Variants in MYO18B observed in about 807,000 individuals in gnomAD.
MYO18B encodes the protein unconventional myosin-XVIIIb.
A neutral mutation model predicts 273.0 loss-of-function variants in MYO18B; 204 were observed. The ratio of observed to expected loss-of-function variants is 0.75; its 90% CI spans 0.67 to 0.84. MYO18B has a LOEUF of 0.84. Ranked by LOEUF, MYO18B falls within the 40% of genes least tolerant of loss-of-function variation. The probability of loss-of-function intolerance (pLI) is 0.00; values close to 1 mark genes in which losing one functional copy is unlikely to be tolerated. For synonymous variants in MYO18B, 1,330 were observed against 1,305.7 expected (o/e 1.02, Z -0.40); for missense variants, 3,212 against 3,287.6 (o/e 0.98, Z 0.56).
Position 26,026,507 on chromosome 22 carries a change from G to A in MYO18B, c.6533G>A (p.Arg2178Gln), listed in dbSNP as rs970501193. 1.2e-5 allele frequency: 20 copies of A among 1,613,648 alleles called. No homozygotes were observed. The highest frequency in any genetic ancestry group is 1.6e-4 in the Middle Eastern group (1 of 6,084). Residue 2178 changes from arginine (R) to glutamine (Q), a missense_variant, in exon 43 of 44, where the codon CGG (arginine) becomes CAG (glutamine). Transcript: ENST00000335473. Reference sequence around the variant, plus strand: ...TCGGCATTGGCACTGAGCAGAGCCCGGTCCACCAATGTCCACAGCAAGACC... The same window carrying A: ...TCGGCATTGGCACTGAGCAGAGCCCAGTCCACCAATGTCCACAGCAAGACC... ...TQSALALSRA[R>Q]STNVHSKTSG...
In MYO18B at chr22:25,947,487, TACACAC is replaced by T. The variant is rs57844236; in HGVS notation, c.5632-174_5632-169del. The stretch of plus-strand genomic sequence containing the variant: ...ATTCATAGTCACATGTAATGCCTAA[TACACAC>T]ACACACACACACACACACACACACA... On this transcript the variant is annotated intron_variant, in intron 35 of 43. Transcript: ENST00000335473. Among the ~76,000 whole-genome samples, 16,974 of 110,494 alleles carry T rather than the reference TACACAC, an allele frequency of 0.15. 1,221 individuals are homozygous for T. The highest frequency in any genetic ancestry group is 0.21 in the Middle Eastern group (46 of 214). 72.5% of individuals were successfully genotyped at this position (110,494 alleles called of 152,430 possible).
intron 21 of MYO18B, among the ~76,000 whole-genome samples, chr22:25,863,312 C>T (rs1469883703): frequency 6.6e-6 from 1 of 151,984 alleles, no homozygotes; most frequent in Non-Finnish European, 1.5e-5. Context: ...CTGTTAAGTC[C>T]AAATTCTGAA....
chr22:25,753,117 CCACGG>C (rs1464391797), intron 1 of MYO18B, among the ~76,000 whole-genome samples: 1 of 152,212 alleles, frequency 6.6e-6, no homozygotes, highest in Non-Finnish European at 1.5e-5. Context: ...GCCAGAGCCT[CCACGG>C]CACCGCGTCC....
intron 38 of MYO18B, among the ~76,000 whole-genome samples, chr22:25,954,468 T>A (rs2092825887): frequency 6.6e-6 from 1 of 151,404 alleles, no homozygotes; most frequent in Non-Finnish European, 1.5e-5. Flanking sequence ...TAATCCCCCA[T>A]CCCTTATCTG....
At chr22:26,011,285 T>C (rs540880881) in intron 42 of MYO18B, among the ~76,000 whole-genome samples, 7 of 152,118 alleles carry the variant, frequency 4.6e-5, no homozygotes, top group African/African-American at 1.7e-4. Flanking sequence ...TCACAAAAAA[T>C]GCAAGCCTGA....
chr22:25,772,489 C>A lies in MYO18B; in HGVS notation c.1848C>A (p.Pro616=), dbSNP rs1568996890. The A allele has an allele frequency of 1.9e-6, 3 of 1,613,824 alleles. No homozygotes were observed. Among genetic ancestry groups the A allele is most frequent in the Non-Finnish European group, 2.5e-6 (3 of 1,179,876 alleles). ...TGATTGTCCTCCAGCCCCGGGGGCC[C>A]TCGGTGCCTTCTGCAGGGAAGGTGA... ...PDLIVLQPRG[P]SVPSAGKVPK... Residue 616 remains proline (P), a synonymous_variant, in exon 7 of 44, where the codon CCC becomes CCA. Coordinates refer to ENST00000335473, the MANE Select transcript of MYO18B (RefSeq NM_032608.7).
chr22:25,967,103 CAGA>C (rs1468911159), intron 39 of MYO18B, among the ~76,000 whole-genome samples: 1 of 152,164 alleles, frequency 6.6e-6, no homozygotes, highest in Non-Finnish European at 1.5e-5. Context: ...AGATGGCAAA[CAGA>C]GGAGCAGATA....
chr22:25,763,071 C>T (rs745950460), intron 2 of MYO18B, 160 bp from the exon 3 acceptor site: 8 of 829,912 alleles, frequency 9.6e-6, no homozygotes, highest in East Asian at 2.5e-5. Context: ...CCCCCTGAGT[C>T]GTGCTGGGCC....
intron 40 of MYO18B, 39 bp downstream of exon 40, chr22:25,992,532 G>C (rs1272693653): frequency 6.2e-7 from 1 of 1,612,074 alleles, no homozygotes; most frequent in Non-Finnish European, 8.5e-7. Context: ...GGCGCAGCAG[G>C]TGGGCGGCAT....
Position 25,914,977 on chromosome 22 carries a change from A to G in MYO18B, c.5364+3927A>G, listed in dbSNP as rs555347093. The stretch of plus-strand genomic sequence containing the variant: ...CTCCCAAAGTGCTGGGATTACAGGC[A>G]TGAAACACCGCGCCCGGCCAGTTTT... On this transcript the variant is annotated intron_variant, in intron 33 of 43. Coordinates refer to ENST00000335473, the MANE Select transcript of MYO18B (RefSeq NM_032608.7). Among the ~76,000 whole-genome samples the G allele has an allele frequency of 5.9e-3, 894 of 151,774 alleles. 6 individuals carry two copies. The highest frequency in any genetic ancestry group is 0.02 in the African/African-American group (848 of 41,380).
At chr22:25,807,601 T>C (rs982689431) in intron 12 of MYO18B, among the ~76,000 whole-genome samples, 1 of 152,188 alleles carries the variant, frequency 6.6e-6, no homozygotes, top group African/African-American at 2.4e-5. Flanking sequence ...TGTGGGCTAG[T>C]TGGGCTTCCT....
At chr22:25,884,033 T>C (rs2091424068) in intron 25 of MYO18B, among the ~76,000 whole-genome samples, 1 of 152,146 alleles carries the variant, frequency 6.6e-6, no homozygotes, top group Non-Finnish European at 1.5e-5. Flanking sequence ...CTCTCTGGAA[T>C]AGGTTCTGGA....
intron 9 of MYO18B, among the ~76,000 whole-genome samples, chr22:25,780,824 G>A (rs1177965894): frequency 6.6e-6 from 1 of 151,998 alleles, no homozygotes; most frequent in Admixed American, 6.6e-5. Flanking sequence ...CATTAGCCGG[G>A]TCTTAAAAGC....
At chr22:25,839,203 T>C in intron 17 of MYO18B, among the ~76,000 whole-genome samples, 1 of 152,224 alleles carries the variant, frequency 6.6e-6, no homozygotes, top group South Asian at 2.1e-4. Flanking sequence ...TGTATATGTG[T>C]GCACGTGTGT....
In MYO18B at chr22:25,822,627, C is replaced by G. The variant is rs145959008; in HGVS notation, c.2522-878C>G. Among the ~76,000 whole-genome samples, 1,067 of 152,276 alleles carry G rather than the reference C, an allele frequency of 7.0e-3. 17 individuals are homozygous for G. The highest frequency in any genetic ancestry group is 0.024 in the African/African-American group (1,013 of 41,558). On this transcript the variant is annotated intron_variant, in intron 12 of 43. Transcript: ENST00000335473. ...GATGGTTGGATGTGTGATTGTGTAGCAGGACGAGTCACAGACAAAACTCCT... is the reference window on the plus strand; with the variant it reads ...GATGGTTGGATGTGTGATTGTGTAGGAGGACGAGTCACAGACAAAACTCCT...
At chr22:25,895,493 A>G in intron 28 of MYO18B, 1 of 531,382 alleles carries the variant, frequency 1.9e-6, no homozygotes, top group Non-Finnish European at 3.3e-6. Context: ...CTATCCAGAG[A>G]CTGCTCTGTG....
At chr22:26,030,240 AG>A (rs1210838449) in intron 43 of MYO18B, among the ~76,000 whole-genome samples, 2 of 152,276 alleles carry the variant, frequency 1.3e-5, no homozygotes, top group East Asian at 3.9e-4. Flanking sequence ...AGCTGGGTGT[AG>A]TGACATGCAC....
intron 40 of MYO18B, among the ~76,000 whole-genome samples, chr22:25,999,312 C>T (rs556077756): frequency 4.7e-4 from 71 of 152,170 alleles, no homozygotes; most frequent in South Asian, 3.5e-3. Context: ...ACTGCCCTGT[C>T]GTTAAGGAGA....
chr22:25,942,815 A>T (rs1482857990), intron 34 of MYO18B, among the ~76,000 whole-genome samples: 1 of 152,028 alleles, frequency 6.6e-6, no homozygotes, highest in Non-Finnish European at 1.5e-5. Context: ...CCAGCCCAGT[A>T]TGAGCTAAGA....
Sources: gnomAD v4.1 joint callset for allele counts (sites outside exome capture counted in the v4.1 genomes callset) on GRCh38, gnomAD v4.1.1 for gene constraint, MANE v1.5 for transcripts, NCBI Gene and HGNC (gene_info 2026-07-23, HGNC 2026-07-21) for gene names.